The following PITPNC1 variants were observed in gnomAD, a reference collection of about 807,000 sequenced individuals.
PITPNC1 encodes the protein cytoplasmic phosphatidylinositol transfer protein 1.
In PITPNC1, 18 loss-of-function variants were observed where a neutral mutation model predicts 44.7. The observed-to-expected ratio is 0.40, with a 90% confidence interval of 0.28 to 0.60. PITPNC1 has a LOEUF of 0.60. Ranked by LOEUF, PITPNC1 falls within the 20% of genes least tolerant of loss-of-function variation. The probability of loss-of-function intolerance (pLI) is 0.39; values close to 1 mark genes in which losing one functional copy is unlikely to be tolerated. For missense variants in PITPNC1, 290 were observed against 418.4 expected, an observed-to-expected ratio of 0.69 and a Z score of 2.68; for synonymous variants, 141 against 149.6, an observed-to-expected ratio of 0.94 and a Z score of 0.42.
At chr17:67,398,664 C>T (rs2038258644) in intron 1 of PITPNC1, among the ~76,000 whole-genome samples, 1 of 152,074 alleles carries the variant, frequency 6.6e-6, no homozygotes, top group African/African-American at 2.4e-5. Flanking sequence ...CCAGCAGCAG[C>T]GACCACCAGT....
intron 6 of PITPNC1, among the ~76,000 whole-genome samples, chr17:67,661,919 C>T (rs1234894326): frequency 6.6e-6 from 1 of 151,734 alleles, no homozygotes; most frequent in Non-Finnish European, 1.5e-5. Context: ...CGCTTGAACC[C>T]GGGAGGTGGA....
chr17:67,458,347 C>T (rs1002308173), intron 1 of PITPNC1, among the ~76,000 whole-genome samples: 1 of 152,256 alleles, frequency 6.6e-6, no homozygotes. Flanking sequence ...GCTCTCTATG[C>T]CCTTAGTTAT....
In PITPNC1 at chr17:67,692,702, G is replaced by A. The variant is rs757830006; in HGVS notation, c.813G>A (p.Ala271=). Residue 271 remains alanine (A), a synonymous_variant, in exon 9 of 9, where the codon GCG becomes GCA. Transcript: ENST00000581322. Reference sequence around the variant, plus strand: ...TGCTGCCTTCTTCCGTCCGCAGTGCGCCTTCTAGTGCTCCATCCACCCCTC... The same window carrying A: ...TGCTGCCTTCTTCCGTCCGCAGTGCACCTTCTAGTGCTCCATCCACCCCTC... ...IPLLPSSVRS[A]PSSAPSTPLS... 70 of 1,613,720 alleles carry A rather than the reference G, an allele frequency of 4.3e-5. No homozygotes were observed. Among genetic ancestry groups the A allele is most frequent in the Non-Finnish European group, 5.7e-5 (67 of 1,179,776 alleles).
At chr17:67,538,939 AAAG>A (rs914458967) in intron 2 of PITPNC1, among the ~76,000 whole-genome samples, 2 of 151,982 alleles carry the variant, frequency 1.3e-5, no homozygotes, top group African/African-American at 4.8e-5. Flanking sequence ...TTTAAAAAAA[AAAG>A]AAAAACTCTT....
chr17:67,583,699 CTT>C (rs201183445), intron 5 of PITPNC1, among the ~76,000 whole-genome samples: 15 of 139,192 alleles, frequency 1.1e-4, no homozygotes, highest in South Asian at 9.2e-4. Flanking sequence ...CATTGGGATT[CTT>C]TTTTTTTTTT....
chr17:67,629,065 A>G (rs1479915292), intron 5 of PITPNC1, among the ~76,000 whole-genome samples: 1 of 152,220 alleles, frequency 6.6e-6, no homozygotes, highest in African/African-American at 2.4e-5. Context: ...ATGAGGGATC[A>G]ATAAAATGTT....
intron 4 of PITPNC1, among the ~76,000 whole-genome samples, chr17:67,574,356 TA>T (rs2041105680): frequency 6.6e-6 from 1 of 152,058 alleles, no homozygotes; most frequent in African/African-American, 2.4e-5. Context: ...ATAAGAAACG[TA>T]AAGAAATAAG....
At chr17:67,435,800 C>CGAGATAGAGCCACTGTACTCCAGCCTGCA (rs2038929664) in intron 1 of PITPNC1, among the ~76,000 whole-genome samples, 1 of 151,832 alleles carries the variant, frequency 6.6e-6, no homozygotes, top group African/African-American at 2.4e-5. Context: ...TGCAGTGGGC[C>CGAGATAGAGCCACTGTACTCCAGCCTGCA]GAGATCATGC....
At chr17:67,530,882 C>T (rs1451714870) in intron 1 of PITPNC1, among the ~76,000 whole-genome samples, 1 of 152,012 alleles carries the variant, frequency 6.6e-6, no homozygotes, top group African/African-American at 2.4e-5. Context: ...CCTTTACGAG[C>T]AAAAGTCAAA....
Position 67,687,013 on chromosome 17 carries a change from A to G in PITPNC1, c.683-5559A>G, listed in dbSNP as rs2042828085. ...TACCATCTTTCCCTAAAGTGTCCCC[A>G]TTGAAAGTTTGCATCTAATAACGGA... On this transcript the variant is annotated intron_variant, in intron 8 of 8. Coordinates refer to ENST00000581322, the MANE Select transcript of PITPNC1 (RefSeq NM_012417.4). 4.0e-6 allele frequency: 4 copies of G among 992,248 alleles called. No individual in the cohort carries two copies. In the South Asian group the frequency reaches 5.2e-5, roughly 13 times the overall value. The allele number at this position is 992,248 out of a possible 1,614,324, so 61.5% of individuals were successfully genotyped here.
intron 1 of PITPNC1, among the ~76,000 whole-genome samples, chr17:67,455,218 T>C (rs2143959528): frequency 6.6e-6 from 1 of 152,362 alleles, no homozygotes; most frequent in South Asian, 2.1e-4. Flanking sequence ...AATATTCTTC[T>C]ATAACCTGAA....
intron 8 of PITPNC1, among the ~76,000 whole-genome samples, chr17:67,684,198 G>A (rs576917175): frequency 1.4e-3 from 206 of 147,126 alleles, no homozygotes; most frequent in African/African-American, 4.9e-3. Context: ...TGCAGCCTCC[G>A]TCTCCCAGGT....
intron 6 of PITPNC1, among the ~76,000 whole-genome samples, chr17:67,656,531 T>C (rs2042270431): frequency 1.3e-5 from 2 of 152,210 alleles, no homozygotes; most frequent in Admixed American, 6.6e-5. Context: ...AGATAGATAC[T>C]AGGGGTTAAG....
At chr17:67,657,553 T>A (rs539376198) in intron 6 of PITPNC1, among the ~76,000 whole-genome samples, 2 of 150,860 alleles carry the variant, frequency 1.3e-5, no homozygotes, top group Admixed American at 6.6e-5. Flanking sequence ...TGCCTGTGAT[T>A]TGGGGGCAAA....
intron 6 of PITPNC1, among the ~76,000 whole-genome samples, chr17:67,657,781 A>G (rs2042289522): frequency 6.6e-6 from 1 of 152,194 alleles, no homozygotes. Context: ...AAGCATCTAC[A>G]TCGTTTTTGC....
At chr17:67,658,865 G>A (rs1368776607) in intron 6 of PITPNC1, among the ~76,000 whole-genome samples, 1 of 152,068 alleles carries the variant, frequency 6.6e-6, no homozygotes, top group African/African-American at 2.4e-5. Flanking sequence ...CTGGTCAACT[G>A]CAGGGGGGAA....
chr17:67,640,632 G>A (rs543950786), intron 6 of PITPNC1, among the ~76,000 whole-genome samples: 2 of 138,352 alleles, frequency 1.4e-5, no homozygotes, highest in Admixed American at 7.9e-5. Flanking sequence ...GTGAGCCAAA[G>A]ATGGTGCCAC....
intron 1 of PITPNC1, among the ~76,000 whole-genome samples, chr17:67,459,309 G>A (rs1432154859): frequency 6.6e-6 from 1 of 151,894 alleles, no homozygotes; most frequent in African/African-American, 2.4e-5. Context: ...TAGAGAAGGG[G>A]TTTCACCATG....
At chr17:67,636,281 CAAAAAAAAAAAAA>C (rs4020398) in intron 6 of PITPNC1, among the ~76,000 whole-genome samples, 2 of 77,348 alleles carry the variant, frequency 2.6e-5, no homozygotes, top group African/African-American at 4.1e-5. Flanking sequence ...GACTCCGTTT[CAAAAAAAAAAAAA>C]AAAAAAAAAG....
Sources: allele counts gnomAD v4.1 joint callset (sites outside exome capture counted in the v4.1 genomes callset), GRCh38; gene constraint gnomAD v4.1.1; transcripts MANE v1.5; gene names NCBI Gene and HGNC (gene_info 2026-07-23, HGNC 2026-07-21).